PDE4D: variants seen among roughly 807,000 people sequenced by gnomAD.
The protein encoded by PDE4D is 3',5'-cyclic-AMP phosphodiesterase 4D.
A neutral mutation model predicts 87.4 loss-of-function variants in PDE4D; 24 were observed. That is an observed-to-expected ratio of 0.27 (90% confidence interval 0.20 to 0.39). PDE4D has a LOEUF of 0.39. Among genes scored for constraint, PDE4D ranks in the 10% least tolerant of loss-of-function variants. PDE4D has a pLI of 1.00. For synonymous variants in PDE4D, 384 were observed against 383.2 expected (o/e 1.00, Z -0.02); for missense variants, 714 against 1,041.0 (o/e 0.69, Z 4.32).
chr5:59,513,572 A>T (rs1810624810), intron 1 of PDE4D, among the ~76,000 whole-genome samples: 2 of 152,208 alleles, frequency 1.3e-5, no homozygotes, highest in South Asian at 4.1e-4. Context: ...TGCAGTTCAT[A>T]ACCTTCATGA....
chr5:59,388,959 T>C (rs765576562), intron 1 of PDE4D, among the ~76,000 whole-genome samples: 5 of 152,052 alleles, frequency 3.3e-5, no homozygotes, highest in Non-Finnish European at 7.4e-5. Flanking sequence ...GAATCAAATT[T>C]TAGCTTTTAC....
chr5:60,210,027 C>T (rs537366976), intron 1 of PDE4D, among the ~76,000 whole-genome samples: 147 of 152,196 alleles, frequency 9.7e-4, no homozygotes, highest in Middle Eastern at 3.4e-3. Context: ...TCTTATTTCC[C>T]TCAATGTGAA....
At chr5:59,436,355 C>T (rs1796801505) in intron 1 of PDE4D, among the ~76,000 whole-genome samples, 1 of 152,160 alleles carries the variant, frequency 6.6e-6, no homozygotes, top group African/African-American at 2.4e-5. Context: ...ATGTGAATAT[C>T]ATGAATCCAT....
intron 1 of PDE4D, among the ~76,000 whole-genome samples, chr5:60,283,447 C>G (rs1166488092): frequency 1.3e-5 from 2 of 152,082 alleles, no homozygotes; most frequent in Non-Finnish European, 2.9e-5. Flanking sequence ...TGATGTAATT[C>G]TGCACACAAT....
intron 1 of PDE4D, among the ~76,000 whole-genome samples, chr5:59,279,890 G>A (rs1160648728): frequency 1.3e-5 from 2 of 151,826 alleles, no homozygotes; most frequent in Admixed American, 6.6e-5. Context: ...CAAGTTTTTG[G>A]AAGTTTTTAA....
intron 2 of PDE4D, among the ~76,000 whole-genome samples, chr5:60,118,401 G>T (rs1292218004): frequency 1.3e-5 from 2 of 152,110 alleles, no homozygotes; most frequent in Non-Finnish European, 2.9e-5. Context: ...GGAATCCCAT[G>T]CACTTGCTTT....
intron 1 of PDE4D, among the ~76,000 whole-genome samples, chr5:59,617,530 A>G (rs1025719911): frequency 2.6e-5 from 4 of 152,192 alleles, no homozygotes; most frequent in Admixed American, 6.6e-5. Flanking sequence ...AGTGAAGATG[A>G]GGACATATTG....
chr5:59,195,425 G>T (rs562198325), intron 2 of PDE4D, among the ~76,000 whole-genome samples: 1 of 152,220 alleles, frequency 6.6e-6, no homozygotes, highest in Admixed American at 6.5e-5. Context: ...CAGAGCAGCT[G>T]CCTAGATGAG....
intron 1 of PDE4D, among the ~76,000 whole-genome samples, chr5:60,344,565 T>C (rs1758582941): frequency 6.6e-6 from 1 of 152,170 alleles, no homozygotes; most frequent in Admixed American, 6.6e-5. Flanking sequence ...ACATTTCTCT[T>C]GCATTTTATC....
At position 59,858,854 on chromosome 5, in the gene PDE4D, G is replaced by A. The variant is rs116603293; in HGVS notation, c.455+34314C>T. On this transcript the variant is annotated intron_variant, in intron 1 of 14. Coordinates refer to ENST00000340635, the MANE Select transcript of PDE4D (RefSeq NM_001104631.2). Reference sequence around the variant, plus strand: ...TCTCAAGGGGATTTCTTTGGTCTTTGTCAAATATTCACTCAGATAAAATAA... The same window carrying A: ...TCTCAAGGGGATTTCTTTGGTCTTTATCAAATATTCACTCAGATAAAATAA... Among the ~76,000 whole-genome samples the A allele has an allele frequency of 4.6e-3, 694 of 152,198 alleles. 7 individuals are homozygous for A. Among genetic ancestry groups the A allele is most frequent in the African/African-American group, 0.016 (657 of 41,532 alleles).
intron 1 of PDE4D, among the ~76,000 whole-genome samples, chr5:59,814,763 C>T (rs1048677396): frequency 1.3e-5 from 2 of 152,062 alleles, no homozygotes; most frequent in Non-Finnish European, 2.9e-5. Context: ...GCTGCAAAGC[C>T]TGCATTTGTT....
intron 1 of PDE4D, among the ~76,000 whole-genome samples, chr5:59,754,797 ATTTTTTTTTT>A (rs754869518): frequency 0.023 from 2,183 of 96,870 alleles, 56 homozygotes; most frequent in African/African-American, 0.087. Context: ...TCCACAGAAC[ATTTTTTTTTT>A]TTTTTTTTTT....
At chr5:59,693,753 C>G (rs1249192807) in intron 1 of PDE4D, among the ~76,000 whole-genome samples, 2 of 152,088 alleles carry the variant, frequency 1.3e-5, no homozygotes, top group African/African-American at 4.8e-5. Context: ...ATTTTTTAAT[C>G]TACTTCCTTG....
chr5:59,974,945 G>C (rs550455895), intron 3 of PDE4D, among the ~76,000 whole-genome samples: 1 of 152,036 alleles, frequency 6.6e-6, no homozygotes, highest in East Asian at 1.9e-4. Context: ...TCTCAAATTT[G>C]ACTCTTCGCT....
At chr5:60,410,173 T>C (rs1741924401) in intron 1 of PDE4D, among the ~76,000 whole-genome samples, 1 of 152,176 alleles carries the variant, frequency 6.6e-6, no homozygotes, top group Admixed American at 6.5e-5. Context: ...AGCTGAGAGC[T>C]AGAACACAAG....
intron 1 of PDE4D, among the ~76,000 whole-genome samples, chr5:60,247,920 C>G (rs1454489221): frequency 2.0e-5 from 3 of 152,050 alleles, no homozygotes; most frequent in African/African-American, 7.2e-5. Context: ...AAACCTTTGA[C>G]CCACAGGGTT....
chr5:59,917,861 AAT>A (rs1754243976), intron 3 of PDE4D, among the ~76,000 whole-genome samples: 1 of 152,078 alleles, frequency 6.6e-6, no homozygotes. Flanking sequence ...GTTATATAAA[AAT>A]AGATTGTTTA....
rs182538544 is a variant in PDE4D, at chr5:59,285,374, T to C, written c.456-69406A>G. Among the ~76,000 whole-genome samples the C allele has an allele frequency of 1.3e-3, 191 of 152,252 alleles. 1 individual carries two copies. Among genetic ancestry groups the C allele is most frequent in the African/African-American group, 4.5e-3 (185 of 41,562 alleles). On this transcript the variant is annotated intron_variant, in intron 1 of 14. Transcript: ENST00000340635. ...TACAGATTTTCTTCCTGTGCCCTTT[T>C]GTGGCATTTGCTTCATGGCTGGAAT...
At chr5:59,420,742 A>T (rs1435559008) in intron 1 of PDE4D, among the ~76,000 whole-genome samples, 1 of 151,884 alleles carries the variant, frequency 6.6e-6, no homozygotes, top group African/African-American at 2.4e-5. Context: ...GAGAACAAAG[A>T]GCTGCTGGTA....
Sources: gnomAD v4.1 joint callset for allele counts (sites outside exome capture counted in the v4.1 genomes callset) on GRCh38, gnomAD v4.1.1 for gene constraint, MANE v1.5 for transcripts, NCBI Gene and HGNC (gene_info 2026-07-23, HGNC 2026-07-21) for gene names.